The following SLC25A16 variants were observed in gnomAD, a reference collection of about 807,000 sequenced individuals.
SLC25A16 encodes solute carrier family 25 member 16.
In SLC25A16, 39 loss-of-function variants were observed where a neutral mutation model predicts 41.5. The observed-to-expected ratio is 0.94, with a 90% confidence interval of 0.73 to 1.23. SLC25A16 has a LOEUF of 1.23. Among genes scored for constraint, SLC25A16 ranks in the 50% most tolerant of loss-of-function variants. The pLI is 0.00. For missense variants in SLC25A16, 421 were observed against 426.9 expected (o/e 0.99, Z 0.12); for synonymous variants, 146 against 147.8 (o/e 0.99, Z 0.09).
chr10:68,508,587 G>A (rs1590115246), intron 2 of SLC25A16, among the ~76,000 whole-genome samples: 1 of 151,650 alleles, frequency 6.6e-6, no homozygotes, highest in Non-Finnish European at 1.5e-5. Flanking sequence ...GCATGGTGGC[G>A]GGTGCCTGTA....
intron 8 of SLC25A16, among the ~76,000 whole-genome samples, chr10:68,485,681 C>A (rs908211318): frequency 1.3e-5 from 2 of 151,942 alleles, no homozygotes; most frequent in Non-Finnish European, 1.5e-5. Context: ...CTGCGACAGG[C>A]CTTTTTTGTT....
At chr10:68,489,200 C>T (rs1391907768) in intron 6 of SLC25A16, among the ~76,000 whole-genome samples, 2 of 152,068 alleles carry the variant, frequency 1.3e-5, no homozygotes, top group African/African-American at 4.8e-5. Flanking sequence ...ACCCAGGAGG[C>T]GGAGTTTGCG....
chr10:68,486,998 A>T, intron 8 of SLC25A16, 146 bp downstream of exon 8: 1 of 438,454 alleles, frequency 2.3e-6, no homozygotes, highest in Non-Finnish European at 4.2e-6. Flanking sequence ...TGATTGCCTG[A>T]TTGTAATCTT....
Position 68,485,860 on chromosome 10 carries a change from C to T in SLC25A16, c.842+1284G>A, listed in dbSNP as rs559619385. On this transcript the variant is annotated intron_variant, in intron 8 of 8. Coordinates refer to ENST00000609923, the MANE Select transcript of SLC25A16 (RefSeq NM_152707.4). ...TCGCCCAGGCTGGAGTGCAGTGGTG[C>T]GATCTCGGCTCACTGCAAGCTCCGC... 2.3e-4 allele frequency among the ~76,000 whole-genome samples: 33 copies of T among 145,400 alleles called. 1 individual carries two copies. The South Asian group carries it at 6.2e-3, about 27-fold the overall frequency.
chr10:68,527,384 G>C lies in SLC25A16; in HGVS notation c.-9C>G. The stretch of plus-strand genomic sequence containing the variant: ...GCCGTCGCCGCCGCCATCAGGACCA[G>C]GGTCGCGTCAGGAGCCTAGGTTGCC... On this transcript the variant is annotated 5_prime_UTR_variant, in exon 1 of 9. Coordinates refer to ENST00000609923, the MANE Select transcript of SLC25A16 (RefSeq NM_152707.4). 2 of 1,483,164 alleles carry C rather than the reference G, an allele frequency of 1.3e-6. No individual in the cohort carries two copies. Among genetic ancestry groups the C allele is most frequent in the South Asian group, 1.3e-5 (1 of 75,156 alleles). The allele number at this position is 1,483,164 out of a possible 1,614,324, so 91.9% of individuals were successfully genotyped here. A position where few individuals can be genotyped will look rare whatever the true frequency, so the allele number is the denominator to read the frequency against.
chr10:68,527,131 G>T, intron 1 of SLC25A16, 115 bp downstream of exon 1: 2 of 1,113,560 alleles, frequency 1.8e-6, no homozygotes, highest in Non-Finnish European at 2.5e-6. Flanking sequence ...ACATCTAACA[G>T]AACATTGAAG....
rs575491373 is a variant in SLC25A16, at chr10:68,481,463, T to C, written c.*1969A>G. ...AGCAAAAATAACACTTTCAACTTAG[T>C]TTTCCTTCTTTTGTTTGAAAGAAAC... On this transcript the variant is annotated 3_prime_UTR_variant, in exon 9 of 9. Coordinates refer to ENST00000609923, the MANE Select transcript of SLC25A16 (RefSeq NM_152707.4). 10 of 152,238 alleles carry C rather than the reference T, an allele frequency of 6.6e-5. No individual in the cohort carries two copies. The East Asian group carries it at 1.7e-3, about 26-fold the overall frequency. The allele number at this position is 152,238 out of a possible 1,614,324, so 9.4% of individuals were successfully genotyped here. A position where few individuals can be genotyped will look rare whatever the true frequency, so the allele number is the denominator to read the frequency against.
intron 6 of SLC25A16, among the ~76,000 whole-genome samples, chr10:68,491,898 G>A (rs187814445): frequency 6.6e-6 from 1 of 151,948 alleles, no homozygotes; most frequent in Non-Finnish European, 1.5e-5. Flanking sequence ...GCGTGATCTC[G>A]GCTCACCACA....
In SLC25A16 at chr10:68,494,635, G is replaced by A. The variant is rs141254293; in HGVS notation, c.422-1065C>T. On this transcript the variant is annotated intron_variant, in intron 4 of 8. Transcript: ENST00000609923. ...CTCACGCCTGTAGTCCCAACACTTT[G>A]GGAGGCTGAGGTGGACAGATCACCT... 0.018 allele frequency among the ~76,000 whole-genome samples: 2,721 copies of A among 149,658 alleles called. 166 individuals are homozygous for A. The East Asian group carries it at 0.22, about 12-fold the overall frequency.
Position 68,488,495 on chromosome 10 carries a change from C to CA in SLC25A16, c.744dup (p.Val249CysfsTer14). 2.6e-6 allele frequency: 4 copies of CA among 1,560,480 alleles called. No individual in the cohort carries two copies. The highest frequency in any genetic ancestry group is 3.4e-6 in the Non-Finnish European group (4 of 1,162,522). ...ATTGTCTGCGCTATTGCTCCAGCAACACCACCACAAAGTAAGTTTACATGA... is the reference window on the plus strand; with the variant it reads ...ATTGTCTGCGCTATTGCTCCAGCAACAACCACCACAAAGTAAGTTTACATGA... On this transcript the variant is annotated frameshift_variant, in exon 7 of 9. Coordinates refer to ENST00000609923, the MANE Select transcript of SLC25A16 (RefSeq NM_152707.4). LOFTEE classifies it high-confidence loss of function.
chr10:68,525,962 C>T (rs541346524), intron 1 of SLC25A16, among the ~76,000 whole-genome samples: 3 of 151,756 alleles, frequency 2.0e-5, no homozygotes, highest in African/African-American at 2.4e-5. Context: ...ACAAAAACTG[C>T]GGAAGGCCGC....
At chr10:68,511,715 CAG>C (rs969450106) in intron 2 of SLC25A16, among the ~76,000 whole-genome samples, 3 of 152,068 alleles carry the variant, frequency 2.0e-5, no homozygotes, top group Non-Finnish European at 4.4e-5. Flanking sequence ...TTTTTGGAGA[CAG>C]AGTCTCACTC....
intron 3 of SLC25A16, among the ~76,000 whole-genome samples, chr10:68,505,731 T>C (rs1367102653): frequency 6.6e-6 from 1 of 151,474 alleles, no homozygotes; most frequent in Non-Finnish European, 1.5e-5. Context: ...TGAAACTCCG[T>C]CTGAAAAAAT....
intron 1 of SLC25A16, among the ~76,000 whole-genome samples, chr10:68,519,653 G>A (rs140693784): frequency 0.049 from 7,472 of 151,610 alleles, 279 homozygotes; most frequent in Non-Finnish European, 0.08. Flanking sequence ...AGTGGCTCTC[G>A]CCTGTATTCC....
intron 1 of SLC25A16, among the ~76,000 whole-genome samples, chr10:68,519,187 C>T (rs775467863): frequency 6.7e-5 from 10 of 148,584 alleles, no homozygotes; most frequent in African/African-American, 1.5e-4. Context: ...AATGAAACTC[C>T]GTCTCAAAAA....
rs2052453007 is a variant in SLC25A16, at chr10:68,478,600, A to C, written c.*4832T>G. On this transcript the variant is annotated 3_prime_UTR_variant, in exon 9 of 9. Coordinates refer to ENST00000609923, the MANE Select transcript of SLC25A16 (RefSeq NM_152707.4). ...TGCAATGTTGCCCAGGCTGGGCTCGAATGCCTAGGCTCAAGTGATCCTCCT... is the reference window on the plus strand; with the variant it reads ...TGCAATGTTGCCCAGGCTGGGCTCGCATGCCTAGGCTCAAGTGATCCTCCT... 6.6e-6 allele frequency: 1 copy of C among 151,958 alleles called. No individual in the cohort carries two copies. Among genetic ancestry groups the C allele is most frequent in the South Asian group, 2.1e-4 (1 of 4,824 alleles). 9.4% of individuals were successfully genotyped at this position (151,958 alleles called of 1,614,324 possible). A position where few individuals can be genotyped will look rare whatever the true frequency, so the allele number is the denominator to read the frequency against.
chr10:68,520,812 CAAAA>C (rs563100705), intron 1 of SLC25A16, among the ~76,000 whole-genome samples: 2 of 79,684 alleles, frequency 2.5e-5, no homozygotes, highest in Non-Finnish European at 2.5e-5. Flanking sequence ...AACTCTGTCT[CAAAA>C]AAAAAAAAAA....
rs565007965 is a variant in SLC25A16, at chr10:68,514,038, C to A, written c.223+2713G>T. Among the ~76,000 whole-genome samples the A allele has an allele frequency of 3.9e-5, 6 of 152,098 alleles. No homozygotes were observed. In the South Asian group the frequency reaches 1.2e-3, roughly 32 times the overall value. On this transcript the variant is annotated intron_variant, in intron 2 of 8. Transcript: ENST00000609923. ...AAACCCTGTCTCTCTACTGAAAATACAAAAATTAGCCGGTCATGGTGGCGG... is the reference window on the plus strand; with the variant it reads ...AAACCCTGTCTCTCTACTGAAAATAAAAAAATTAGCCGGTCATGGTGGCGG...
chr10:68,478,397 A>C lies in SLC25A16; in HGVS notation c.*5035T>G, dbSNP rs920785927. The stretch of plus-strand genomic sequence containing the variant: ...GTCTGGGTTTCAAAGAATAGATGCG[A>C]GGAACTATGTAAAGTGTATGCTTGC... On this transcript the variant is annotated 3_prime_UTR_variant, in exon 9 of 9. Coordinates refer to ENST00000609923, the MANE Select transcript of SLC25A16 (RefSeq NM_152707.4). 1.3e-5 allele frequency: 2 copies of C among 152,222 alleles called. No homozygotes were observed. The highest frequency in any genetic ancestry group is 1.5e-5 in the Non-Finnish European group (1 of 68,040). 9.4% of individuals were successfully genotyped at this position (152,222 alleles called of 1,614,324 possible). A position where few individuals can be genotyped will look rare whatever the true frequency, so the allele number is the denominator to read the frequency against.
Sources: allele counts gnomAD v4.1 joint callset (sites outside exome capture counted in the v4.1 genomes callset), GRCh38; gene constraint gnomAD v4.1.1; transcripts MANE v1.5; gene names NCBI Gene and HGNC (gene_info 2026-07-23, HGNC 2026-07-21).